NFATC1: variants seen among roughly 807,000 people sequenced by gnomAD.
NFATC1 encodes the protein nuclear factor of activated T cells 1.
In NFATC1, 22 loss-of-function variants were observed where a neutral mutation model predicts 76.0. The observed-to-expected ratio is 0.29, with a 90% CI of 0.21 to 0.41. NFATC1 has a LOEUF of 0.41. NFATC1 is among the 10% of genes least tolerant of loss of function. The pLI, the probability that NFATC1 is intolerant of heterozygous loss-of-function variation, is 1.00. For missense variants in NFATC1, 1,357 were observed against 1,337.7 expected (o/e 1.01, Z -0.23); for synonymous variants, 704 against 613.1 (o/e 1.15, Z -2.19).
chr18:79,400,285 G>T, intron 1 of NFATC1: 3 of 1,194,930 alleles, frequency 2.5e-6, no homozygotes, highest in South Asian at 5.7e-5. Flanking sequence ...GGGACGGGGG[G>T]AGGGGCGGGG....
At chr18:79,502,139 G>C (rs1316735357) in intron 9 of NFATC1, among the ~76,000 whole-genome samples, 1 of 152,174 alleles carries the variant, frequency 6.6e-6, no homozygotes, top group Non-Finnish European at 1.5e-5. Flanking sequence ...AAGACAGTGT[G>C]GTATTGGCAT....
chr18:79,418,288 C>G (rs1314499521), intron 2 of NFATC1, among the ~76,000 whole-genome samples: 1 of 152,182 alleles, frequency 6.6e-6, no homozygotes, highest in Non-Finnish European at 1.5e-5. Context: ...TAACGGCCAC[C>G]CGACTGTGGA....
chr18:79,448,774 C>T lies in NFATC1; in HGVS notation c.1387-8C>T, dbSNP rs968131281. On this transcript the variant is annotated splice_polypyrimidine_tract_variant and splice_region_variant and intron_variant, in intron 3 of 9. Transcript: ENST00000427363. ...GTGCTGAGCAGGTGTTTTCTGTTCT[C>T]TCGCCAGCTGCATGGCTACTTGGAG... 6.2e-7 allele frequency: 1 copy of T among 1,611,986 alleles called. No individual in the cohort carries two copies. The highest frequency in any genetic ancestry group is 1.3e-5 in the African/African-American group (1 of 74,932).
At position 79,403,745 on chromosome 18, in the gene NFATC1, T is replaced by C. The variant is rs191201119; in HGVS notation, c.128-6658T>C. ...GTTCCCTTGTGGAAAGGCAACATCT[T>C]ATGCAGAATTGAAGCTTTGGAAGAC... On this transcript the variant is annotated intron_variant, in intron 1 of 9. Transcript: ENST00000427363. 4.5e-4 allele frequency among the ~76,000 whole-genome samples: 69 copies of C among 152,362 alleles called. 1 individual carries two copies. The highest frequency in any genetic ancestry group is 6.8e-3 in the Middle Eastern group (2 of 294).
intron 8 of NFATC1, chr18:79,468,100 G>A (rs1483679548): frequency 3.3e-6 from 2 of 602,278 alleles, no homozygotes; most frequent in East Asian, 2.8e-4. Flanking sequence ...TGGGACCACG[G>A]GCATCCAGGC....
At chr18:79,526,484 G>A (rs142848109) in intron 9 of NFATC1, among the ~76,000 whole-genome samples, 216 of 152,308 alleles carry the variant, frequency 1.4e-3, no homozygotes, top group Middle Eastern at 3.4e-3. Context: ...TTCTGTGGGC[G>A]CCATGTCAGG....
chr18:79,521,302 G>A (rs1276376568), intron 9 of NFATC1, among the ~76,000 whole-genome samples: 2 of 92,056 alleles, frequency 2.2e-5, no homozygotes, highest in South Asian at 5.4e-4. Flanking sequence ...TGTGTGGGGG[G>A]GGGCGTCTCC....
At chr18:79,486,219 T>A (rs2089489514) in intron 8 of NFATC1, 29 bp from the exon 9 acceptor site, 1 of 1,581,460 alleles carries the variant, frequency 6.3e-7, no homozygotes, top group Admixed American at 1.8e-5. Context: ...CAACTTGTGT[T>A]TATTTAATTT....
chr18:79,508,224 G>C (rs554815355), intron 9 of NFATC1, among the ~76,000 whole-genome samples: 2 of 152,234 alleles, frequency 1.3e-5, no homozygotes, highest in South Asian at 4.1e-4. Flanking sequence ...AAAGGTGGAG[G>C]GAGGGAGGGA....
At chr18:79,475,011 C>T (rs1302885705) in intron 8 of NFATC1, among the ~76,000 whole-genome samples, 3 of 136,234 alleles carry the variant, frequency 2.2e-5, no homozygotes, top group South Asian at 2.3e-4. Context: ...TCGCTGTCGA[C>T]GTAAACCTGA....
intron 9 of NFATC1, among the ~76,000 whole-genome samples, chr18:79,494,469 A>G (rs75462118): frequency 4.8e-5 from 2 of 41,960 alleles, no homozygotes; most frequent in African/African-American, 2.5e-4. Context: ...TCGACCTGGT[A>G]CCGCCGGGGG....
At chr18:79,514,563 TC>T (rs2090333025) in intron 9 of NFATC1, among the ~76,000 whole-genome samples, 1 of 25,204 alleles carries the variant, frequency 4.0e-5, no homozygotes, top group African/African-American at 2.1e-4. Context: ...AGACCCTGCC[TC>T]AAAAAAAAAA....
intron 2 of NFATC1, among the ~76,000 whole-genome samples, chr18:79,417,947 A>AGGAGATGGGCTGTGGCG (rs1383420564): frequency 4.2e-5 from 6 of 142,110 alleles, no homozygotes; most frequent in Non-Finnish European, 7.7e-5. Flanking sequence ...GGGCTATACC[A>AGGAGATGGGCTGTGGCG]GGAGATGGGC....
In NFATC1 at chr18:79,486,810, C is replaced by G. The variant is rs753892026; in HGVS notation, c.2655C>G (p.Asp885Glu). 1 of 1,611,406 alleles carries G rather than the reference C, an allele frequency of 6.2e-7. No homozygotes were observed. The highest frequency in any genetic ancestry group is 8.5e-7 in the Non-Finnish European group (1 of 1,179,326). Residue 885 changes from aspartate (D) to glutamate (E), a missense_variant, in exon 9 of 10, where the codon GAC becomes GAG. Coordinates refer to ENST00000427363, the MANE Select transcript of NFATC1 (RefSeq NM_001278669.2). ...ACCTGCCGTCCACGGTCCGCAGGGA[C>G]GAGTCTCCGACTGCCGGGCCACGGC... ...PQHLPSTVRR[D>E]ESPTAGPRLL... is the part of the protein sequence containing the mutation.
intron 5 of NFATC1, 24 bp downstream of exon 5, chr18:79,451,150 CAG>C (rs1568978132): frequency 3.8e-6 from 6 of 1,596,790 alleles, no homozygotes; most frequent in East Asian, 2.2e-5. Flanking sequence ...CACGCGCCCA[CAG>C]GGGAGGAAAC....
chr18:79,411,079 C>T lies in NFATC1; in HGVS notation c.804C>T (p.Tyr268=). The change falls in exon 2 of 10, where the codon TAC becomes TAT. Residue 268 remains tyrosine, a synonymous_variant. Transcript: ENST00000427363. ...CGTCCCCTTGCAACAAGAGGAAGTA[C>T]AGCCTCAACGGCCGGCAGCCGCCCT... ...RPASPCNKRK[Y]SLNGRQPPYS... 1 of 1,612,090 alleles carries T rather than the reference C, an allele frequency of 6.2e-7. No individual in the cohort carries two copies. The highest frequency in any genetic ancestry group is 8.5e-7 in the Non-Finnish European group (1 of 1,179,540).
intron 1 of NFATC1, among the ~76,000 whole-genome samples, chr18:79,407,276 G>T (rs920831476): frequency 3.9e-5 from 6 of 152,330 alleles, no homozygotes; most frequent in African/African-American, 1.4e-4. Context: ...CAGTGAACAT[G>T]GGTGGTCAGT....
At chr18:79,451,186 GTC>G in intron 5 of NFATC1, 60 bp downstream of exon 5, 1 of 1,539,626 alleles carries the variant, frequency 6.5e-7, no homozygotes. Context: ...GCGCTTCACT[GTC>G]TCACCCGCTC....
chr18:79,461,940 G>C (rs538730544), intron 7 of NFATC1, among the ~76,000 whole-genome samples: 8 of 152,332 alleles, frequency 5.3e-5, no homozygotes. Context: ...CTGGACTCGC[G>C]ATTGGCCACA....
Sources: gnomAD v4.1 joint callset for allele counts (sites outside exome capture counted in the v4.1 genomes callset) on GRCh38, gnomAD v4.1.1 for gene constraint, MANE v1.5 for transcripts, NCBI Gene and HGNC (gene_info 2026-07-23, HGNC 2026-07-21) for gene names.